The following CYB5R3 variants were observed in gnomAD, a reference collection of about 807,000 sequenced individuals.
CYB5R3 encodes the protein cytochrome b5 reductase 3.
A neutral mutation model predicts 36.5 loss-of-function variants in CYB5R3; 28 were observed. The ratio of observed to expected loss-of-function variants is 0.77; its 90% confidence interval spans 0.57 to 1.05. The LOEUF is 1.05. Ranked by LOEUF, CYB5R3 falls within the 50% of genes least tolerant of loss-of-function variation. CYB5R3 has a pLI of 0.00. For synonymous variants in CYB5R3, 181 were observed against 159.8 expected, an observed-to-expected ratio of 1.13 and a Z score of -1.00; for missense variants, 474 against 408.9, an observed-to-expected ratio of 1.16 and a Z score of -1.37.
rs1239704257 is a variant in CYB5R3, at chr22:42,619,650, C to T, written c.*123G>A. On this transcript the variant is annotated 3_prime_UTR_variant, in exon 9 of 9. Transcript: ENST00000352397. ...GGGAACTGCTCAGCCAGGTGATTCA[C>T]CAGGGCACGGGCAGGCCAGGCTGAA... The T allele has an allele frequency of 4.3e-6, 4 of 935,964 alleles. No homozygotes were observed. Among genetic ancestry groups the T allele is most frequent in the Admixed American group, 4.7e-5 (2 of 42,624 alleles). The allele number at this position is 935,964 out of a possible 1,614,324, so 58.0% of individuals were successfully genotyped here.
Position 42,640,437 on chromosome 22 carries a change from G to A in CYB5R3, c.22-3591C>T, listed in dbSNP as rs936188684. 1.1e-5 allele frequency: 5 copies of A among 470,474 alleles called. No homozygotes were observed. The Admixed American group carries it at 2.4e-4, about 23-fold the overall frequency. The allele number at this position is 470,474 out of a possible 1,614,324, so 29.1% of individuals were successfully genotyped here. A position where few individuals can be genotyped will look rare whatever the true frequency, so the allele number is the denominator to read the frequency against. On this transcript the variant is annotated intron_variant, in intron 1 of 8. Transcript: ENST00000352397. ...TCTATCACCCAGGCTGGAGTACAGT[G>A]GTGTGATCTTGGCTAACTGTGACCT...
chr22:42,646,729 G>C, intron 1 of CYB5R3: 1 of 985,840 alleles, frequency 1.0e-6, no homozygotes, highest in Non-Finnish European at 1.2e-6. Flanking sequence ...AAGTGGGAGG[G>C]AGTGGAGGAA....
At chr22:42,622,320 C>T (rs565439822) in intron 8 of CYB5R3, among the ~76,000 whole-genome samples, 1 of 152,228 alleles carries the variant, frequency 6.6e-6, no homozygotes, top group South Asian at 2.1e-4. Flanking sequence ...CTTGGCCCCC[C>T]ACATCACAGG....
intron 1 of CYB5R3, among the ~76,000 whole-genome samples, chr22:42,643,626 G>C (rs746061858): frequency 1.3e-5 from 2 of 152,156 alleles, no homozygotes; most frequent in South Asian, 4.1e-4. Flanking sequence ...AGGAAGGGCT[G>C]TGGATGCCTA....
chr22:42,630,961 A>G lies in CYB5R3; in HGVS notation c.254T>C (p.Ile85Thr), dbSNP rs1288960122. The G allele has an allele frequency of 6.8e-6, 11 of 1,613,986 alleles. No individual in the cohort carries two copies. Among genetic ancestry groups the G allele is most frequent in the Admixed American group, 3.3e-5 (2 of 60,002 alleles). ...VGQHIYLSAR[I>T]DGNLVVRPYT... is the part of the protein sequence containing the mutation. ...GGGCCGGACGACCAGGTTTCCATCA[A>G]TTCGAGCCGAGAGGTAGATGTGCTG... is the stretch of plus-strand genomic sequence containing the variant. The change falls in exon 4 of 9, where the codon ATT becomes ACT. Residue 85 changes from isoleucine to threonine, a missense_variant. Physicochemically the swap from Ile to Thr is moderately conservative, Grantham distance 89. Coordinates refer to ENST00000352397, the MANE Select transcript of CYB5R3 (RefSeq NM_000398.7).
chr22:42,626,998 A>G (rs1465465309), intron 7 of CYB5R3, among the ~76,000 whole-genome samples: 5 of 152,156 alleles, frequency 3.3e-5, no homozygotes, highest in Non-Finnish European at 5.9e-5. Flanking sequence ...CCACTCTACC[A>G]GTGGGTTCCA....
At chr22:42,627,780 A>T (rs1027740984) in intron 5 of CYB5R3, 92 bp from the exon 6 acceptor site, 1 of 956,496 alleles carries the variant, frequency 1.0e-6, no homozygotes, top group Non-Finnish European at 1.7e-6. Flanking sequence ...ACCTGCCCCC[A>T]CTGTGAGGTC....
At position 42,636,797 on chromosome 22, in the gene CYB5R3, A is replaced by G; in HGVS notation, c.71T>C (p.Met24Thr). The change falls in exon 2 of 9, where the codon ATG (methionine) becomes ACG (threonine). Residue 24 changes from methionine to threonine, a missense_variant. By Grantham distance (81) the Met-to-Thr change is moderately conservative. Transcript: ENST00000352397. Reference sequence around the variant, plus strand: ...TGGCGTGGAGCGCTGGAACAGCTTCATGAGCAGACTGTACAGGAACCAGAC... The same window carrying G: ...TGGCGTGGAGCGCTGGAACAGCTTCGTGAGCAGACTGTACAGGAACCAGAC... Reference protein sequence around the residue: ...FPVWFLYSLLMKLFQRSTPAI... With the variant: ...FPVWFLYSLLTKLFQRSTPAI... 1 of 1,613,998 alleles carries G rather than the reference A, an allele frequency of 6.2e-7. No homozygotes were observed. The highest frequency in any genetic ancestry group is 2.2e-5 in the East Asian group (1 of 44,884).
Position 42,637,016 on chromosome 22 carries a change from G to A in CYB5R3, c.22-170C>T. Reference sequence around the variant, plus strand: ...TCATCCATTTTGGTGCCCACTAGGAGAAGCTATAAAGACCAGCCTCATGAC... The same window carrying A: ...TCATCCATTTTGGTGCCCACTAGGAAAAGCTATAAAGACCAGCCTCATGAC... On this transcript the variant is annotated intron_variant, in intron 1 of 8. Coordinates refer to ENST00000352397, the MANE Select transcript of CYB5R3 (RefSeq NM_000398.7). 3.4e-6 allele frequency: 3 copies of A among 871,608 alleles called. No homozygotes were observed. The South Asian group carries it at 4.4e-5, about 13-fold the overall frequency. The allele number at this position is 871,608 out of a possible 1,614,324, so 54.0% of individuals were successfully genotyped here.
chr22:42,624,293 A>C (rs889746338), intron 7 of CYB5R3, among the ~76,000 whole-genome samples: 1 of 152,200 alleles, frequency 6.6e-6, no homozygotes, highest in Non-Finnish European at 1.5e-5. Flanking sequence ...ACAATAAGCA[A>C]TGGCCCCGTG....
intron 8 of CYB5R3, 63 bp downstream of exon 8, chr22:42,623,726 G>T: frequency 1.4e-6 from 2 of 1,398,122 alleles, no homozygotes; most frequent in Non-Finnish European, 2.0e-6. Context: ...ACAAACAGCT[G>T]GGCAAAGGTG....
chr22:42,631,558 T>TC (rs1266544718), intron 2 of CYB5R3, 108 bp from the exon 3 acceptor site: 1 of 939,794 alleles, frequency 1.1e-6, no homozygotes, highest in African/African-American at 1.6e-5. Flanking sequence ...TCCCCACCCT[T>TC]CCCCAGTGCC....
At chr22:42,631,915 G>C (rs1928642631) in intron 2 of CYB5R3, 2 of 177,874 alleles carry the variant, frequency 1.1e-5, no homozygotes, top group African/African-American at 4.7e-5. Flanking sequence ...CTGCACCTGA[G>C]AGCCCCTTGG....
At chr22:42,633,682 C>T (rs1315864651) in intron 2 of CYB5R3, among the ~76,000 whole-genome samples, 3 of 152,192 alleles carry the variant, frequency 2.0e-5, no homozygotes, top group Non-Finnish European at 4.4e-5. Context: ...ACCTGGGAGG[C>T]TGAGGCAGAA....
At chr22:42,630,116 T>C (rs925769009) in intron 4 of CYB5R3, among the ~76,000 whole-genome samples, 6 of 152,152 alleles carry the variant, frequency 3.9e-5, no homozygotes, top group Non-Finnish European at 8.8e-5. Flanking sequence ...ATTTCTAATT[T>C]TCATAAAAAC....
intron 7 of CYB5R3, 61 bp from the exon 8 acceptor site, chr22:42,623,949 T>C: frequency 2.1e-6 from 3 of 1,456,128 alleles, no homozygotes; most frequent in Non-Finnish European, 2.9e-6. Flanking sequence ...CTGGAGACAC[T>C]CAACAGAGAC....
At chr22:42,643,118 TC>T (rs1188734386) in intron 1 of CYB5R3, among the ~76,000 whole-genome samples, 9 of 152,172 alleles carry the variant, frequency 5.9e-5, no homozygotes, top group Non-Finnish European at 1.2e-4. Context: ...TCCTAACCTC[TC>T]AAGGCCTAGC....
chr22:42,646,906 C>T, intron 1 of CYB5R3: 1 of 985,578 alleles, frequency 1.0e-6, no homozygotes, highest in Middle Eastern at 5.2e-4. Context: ...GTCAGGGTCG[C>T]TGAGCACTCA....
chr22:42,619,907 T>C lies in CYB5R3; in HGVS notation c.772A>G (p.Ile258Val). The change falls in exon 9 of 9, where the codon ATC (isoleucine) becomes GTC (valine). Residue 258 changes from isoleucine (I) to valine (V), a missense_variant. Coordinates refer to ENST00000352397, the MANE Select transcript of CYB5R3 (RefSeq NM_000398.7). ...YGQGFVNEEMIRDHLPPPEEE... is the reference protein window; with the variant it reads ...YGQGFVNEEMVRDHLPPPEEE... The stretch of plus-strand genomic sequence containing the variant: ...TCTGGGGGTGGAAGGTGGTCCCGGA[T>C]CATCTCCTCATTCACGAAGCCCTGG... 1 of 1,607,834 alleles carries C rather than the reference T, an allele frequency of 6.2e-7. No individual in the cohort carries two copies.
Sources: allele counts gnomAD v4.1 joint callset (sites outside exome capture counted in the v4.1 genomes callset), GRCh38; gene constraint gnomAD v4.1.1; transcripts MANE v1.5; gene names NCBI Gene and HGNC (gene_info 2026-07-23, HGNC 2026-07-21).